ANGPT2: variants seen among roughly 807,000 people sequenced by gnomAD.
ANGPT2 encodes the protein angiopoietin 2, also known as angiopoietin-2.
ANGPT2 carries 28 observed loss-of-function variants against 62.9 expected under a neutral mutation model. The observed-to-expected ratio is 0.44, with a 90% CI of 0.33 to 0.61. The LOEUF is 0.61. Among genes scored for constraint, ANGPT2 ranks in the 20% least tolerant of loss-of-function variants. The probability of loss-of-function intolerance (pLI) is 0.03; values close to 1 mark genes in which losing one functional copy is unlikely to be tolerated. For missense variants in ANGPT2, 727 were observed against 594.9 expected, an observed-to-expected ratio of 1.22 and a Z score of -2.31; for synonymous variants, 284 against 207.8, an observed-to-expected ratio of 1.37 and a Z score of -3.15.
At chr8:6,531,131 G>C (rs1819428447) in intron 2 of ANGPT2, among the ~76,000 whole-genome samples, 1 of 152,002 alleles carries the variant, frequency 6.6e-6, no homozygotes, top group Admixed American at 6.6e-5. Context: ...TGAGCTTGGA[G>C]CGTCTGCATT....
At chr8:6,538,149 C>G (rs549156214) in intron 1 of ANGPT2, among the ~76,000 whole-genome samples, 1 of 151,738 alleles carries the variant, frequency 6.6e-6, no homozygotes, top group Non-Finnish European at 1.5e-5. Context: ...CCACCCAGCC[C>G]TTCCATTTTT....
intron 1 of ANGPT2, among the ~76,000 whole-genome samples, chr8:6,560,915 C>T (rs1344575586): frequency 6.6e-6 from 1 of 152,216 alleles, no homozygotes; most frequent in African/African-American, 2.4e-5. Context: ...TTTATGTTTC[C>T]TGGCTGTTTC....
In ANGPT2 at chr8:6,502,008, G is replaced by T. The variant is rs1208635546; in HGVS notation, c.*1093C>A. The T allele has an allele frequency of 6.6e-6, 1 of 151,464 alleles. No homozygotes were observed. The highest frequency in any genetic ancestry group is 2.4e-5 in the African/African-American group (1 of 41,158). 9.4% of individuals were successfully genotyped at this position (151,464 alleles called of 1,614,324 possible). A position where few individuals can be genotyped will look rare whatever the true frequency, so the allele number is the denominator to read the frequency against. On this transcript the variant is annotated 3_prime_UTR_variant, in exon 9 of 9. Transcript: ENST00000629816. ...ATTTTTTTCCTTAAGTAAATTTAAG[G>T]GTGAATCTTGAGACATATAGCTTTG...
At chr8:6,555,589 G>A (rs1381924612) in intron 1 of ANGPT2, among the ~76,000 whole-genome samples, 1 of 151,742 alleles carries the variant, frequency 6.6e-6, no homozygotes, top group Non-Finnish European at 1.5e-5. Flanking sequence ...ATCCTCCTGA[G>A]TAGCTGAGAC....
intron 8 of ANGPT2, among the ~76,000 whole-genome samples, chr8:6,503,936 C>A (rs1005961578): frequency 5.9e-5 from 9 of 152,142 alleles, no homozygotes; most frequent in African/African-American, 2.2e-4. Context: ...CACAGTAGTC[C>A]CCCCTTATCT....
chr8:6,543,616 T>A (rs1822002378), intron 1 of ANGPT2, among the ~76,000 whole-genome samples: 2 of 152,188 alleles, frequency 1.3e-5, no homozygotes, highest in Admixed American at 1.3e-4. Flanking sequence ...TCTTTGATTT[T>A]TGTGTTCATA....
At chr8:6,551,352 G>A (rs1489873819) in intron 1 of ANGPT2, among the ~76,000 whole-genome samples, 2 of 152,064 alleles carry the variant, frequency 1.3e-5, no homozygotes, top group Admixed American at 6.5e-5. Flanking sequence ...CAGCTGCAAC[G>A]CCTTCATGGC....
At chr8:6,518,784 T>C (rs1352035615) in intron 5 of ANGPT2, among the ~76,000 whole-genome samples, 1 of 152,210 alleles carries the variant, frequency 6.6e-6, no homozygotes, top group African/African-American at 2.4e-5. Context: ...GCAAACATAT[T>C]TATAGACATT....
At chr8:6,559,621 T>C (rs1825206114) in intron 1 of ANGPT2, among the ~76,000 whole-genome samples, 1 of 152,224 alleles carries the variant, frequency 6.6e-6, no homozygotes, top group African/African-American at 2.4e-5. Context: ...TTTATAGGTA[T>C]GAGGCACTCA....
rs748456152 is a variant in ANGPT2, at chr8:6,562,596, C to G, written c.288+51G>C. The stretch of plus-strand genomic sequence containing the variant: ...TGGTTGTTAAAACCTGAGCTGCTGC[C>G]AAGCTGATCTTAATAGCATGTTCAC... On this transcript the variant is annotated intron_variant, in intron 1 of 8. Coordinates refer to ENST00000629816, the MANE Select transcript of ANGPT2 (RefSeq NM_001118887.2). 1.7e-5 allele frequency: 7 copies of G among 412,866 alleles called. 1 individual carries two copies. Among genetic ancestry groups the G allele is most frequent in the Middle Eastern group, 4.5e-4 (1 of 2,210 alleles). 25.6% of individuals were successfully genotyped at this position (412,866 alleles called of 1,614,324 possible).
chr8:6,538,419 T>C (rs914093281), intron 1 of ANGPT2, among the ~76,000 whole-genome samples: 29 of 152,212 alleles, frequency 1.9e-4, no homozygotes, highest in African/African-American at 6.8e-4. Flanking sequence ...CATGCAAAGC[T>C]GGTGACCGCA....
Position 6,542,339 on chromosome 8 carries a change from T to C in ANGPT2, c.289-9852A>G, listed in dbSNP as rs561260642. 1.6e-4 allele frequency among the ~76,000 whole-genome samples: 25 copies of C among 152,148 alleles called. No individual in the cohort carries two copies. The South Asian group carries it at 5.0e-3, about 30-fold the overall frequency. ...CTGTGTGTGTGTGTATGTATGTGTG[T>C]GTGTTTCAGTTCTCTAAGAAACAGA... On this transcript the variant is annotated intron_variant, in intron 1 of 8. Transcript: ENST00000629816.
At chr8:6,518,457 T>G (rs1263989273) in intron 5 of ANGPT2, among the ~76,000 whole-genome samples, 1 of 152,188 alleles carries the variant, frequency 6.6e-6, no homozygotes, top group Non-Finnish European at 1.5e-5. Context: ...TAACTAATTT[T>G]CAGGGTTGAT....
chr8:6,513,647 T>G (rs749984117), intron 7 of ANGPT2, 31 bp downstream of exon 7: 15 of 1,584,100 alleles, frequency 9.5e-6, no homozygotes, highest in Non-Finnish European at 1.1e-5. Flanking sequence ...ATCTTTTAAT[T>G]TTTTCTTTCA....
chr8:6,541,437 G>A (rs535126966), intron 1 of ANGPT2, among the ~76,000 whole-genome samples: 2 of 152,270 alleles, frequency 1.3e-5, no homozygotes, highest in East Asian at 3.9e-4. Flanking sequence ...AGTGCTCTGA[G>A]AAAGACAATA....
At chr8:6,522,053 G>C (rs1351750994) in intron 3 of ANGPT2, among the ~76,000 whole-genome samples, 1 of 152,058 alleles carries the variant, frequency 6.6e-6, no homozygotes. Context: ...AGGAACAAAT[G>C]GGTTTTAAAA....
At position 6,532,413 on chromosome 8, in the gene ANGPT2, C is replaced by T. The variant is rs144017946; in HGVS notation, c.363G>A (p.Thr121=). The T allele has an allele frequency of 6.2e-6, 10 of 1,613,900 alleles. No individual in the cohort carries two copies. The highest frequency in any genetic ancestry group is 1.6e-4 in the Middle Eastern group (1 of 6,082). The part of the protein sequence containing the change: ...EIQQNAVQNQ[T]AVMIEIGTNL... ...TTGTCCCTATTTCTATCATCACAGC[C>T]GTCTGGTTCTGTACTGCATTCTGCT... The change falls in exon 2 of 9, where the codon ACG becomes ACA. Residue 121 remains threonine, a synonymous_variant. Transcript: ENST00000629816.
chr8:6,504,107 A>G (rs1812750475), intron 8 of ANGPT2, among the ~76,000 whole-genome samples: 1 of 152,102 alleles, frequency 6.6e-6, no homozygotes, highest in South Asian at 2.1e-4. Flanking sequence ...TCACGAGATC[A>G]GGAGACCGAG....
At chr8:6,515,858 A>C (rs901036686) in intron 5 of ANGPT2, among the ~76,000 whole-genome samples, 1 of 152,194 alleles carries the variant, frequency 6.6e-6, no homozygotes, top group Non-Finnish European at 1.5e-5. Context: ...TACGAGTTAG[A>C]ATCCTAAAGA....
Sources: allele counts gnomAD v4.1 joint callset (sites outside exome capture counted in the v4.1 genomes callset), GRCh38; gene constraint gnomAD v4.1.1; transcripts MANE v1.5; gene names NCBI Gene and HGNC (gene_info 2026-07-23, HGNC 2026-07-21).